The following MBP variants were observed in gnomAD, a reference collection of about 807,000 sequenced individuals.
MBP encodes the protein Golli-MBP.
A neutral mutation model predicts 35.8 loss-of-function variants in MBP; 16 were observed. That is an observed-to-expected ratio of 0.45 (90% CI 0.30 to 0.68). MBP has a LOEUF of 0.68. Ranked by LOEUF, MBP falls within the 30% of genes least tolerant of loss-of-function variation. The probability of loss-of-function intolerance (pLI) is 0.08; values close to 1 mark genes in which losing one functional copy is unlikely to be tolerated. For synonymous variants in MBP, 143 were observed against 159.6 expected, an observed-to-expected ratio of 0.90 and a Z score of 0.78; for missense variants, 380 against 404.7, an observed-to-expected ratio of 0.94 and a Z score of 0.52.
chr18:77,013,083 G>C, intron 4 of MBP: 8 of 985,408 alleles, frequency 8.1e-6, no homozygotes, highest in Non-Finnish European at 9.6e-6. Flanking sequence ...GGTAGCCTCC[G>C]ATCAATAACT....
At chr18:77,080,343 G>A (rs768585965) in intron 2 of MBP, among the ~76,000 whole-genome samples, 1 of 152,268 alleles carries the variant, frequency 6.6e-6, no homozygotes, top group African/African-American at 2.4e-5. Flanking sequence ...GGATGCGGAC[G>A]GTAAGGCTTG....
Position 77,105,267 on chromosome 18 carries a change from A to G in MBP, c.-6T>C. 1 of 1,610,932 alleles carries G rather than the reference A, an allele frequency of 6.2e-7. No individual in the cohort carries two copies. The highest frequency in any genetic ancestry group is 8.5e-7 in the Non-Finnish European group (1 of 1,177,610). On this transcript the variant is annotated 5_prime_UTR_variant, in exon 2 of 9. Transcript: ENST00000355994. The stretch of plus-strand genomic sequence containing the variant: ...TTGCCTGCGTGGTTTCCCATCCTGA[A>G]TGGATTGGCTCTTCAGAGGCTAAAA...
intron 4 of MBP, chr18:77,009,877 C>T (rs150115536): frequency 4.4e-6 from 7 of 1,594,686 alleles, no homozygotes; most frequent in African/African-American, 1.3e-5. Context: ...CCCAGGCTGG[C>T]TGCGGGCATG....
chr18:76,984,717 T>C (rs765285782), intron 8 of MBP, 58 bp downstream of exon 8: 2 of 1,611,868 alleles, frequency 1.2e-6, no homozygotes, highest in Admixed American at 3.3e-5. Context: ...TCAGCTTAGT[T>C]GGGGATTCTG....
chr18:77,078,616 G>C (rs977373359), intron 2 of MBP, among the ~76,000 whole-genome samples: 1 of 152,242 alleles, frequency 6.6e-6, no homozygotes, highest in Admixed American at 6.5e-5. Context: ...CTGGAGCCTG[G>C]AGAACTCATT....
At chr18:77,055,585 T>TTCTCTCTCTC (rs138095026) in intron 3 of MBP, among the ~76,000 whole-genome samples, 6,896 of 151,122 alleles carry the variant, frequency 0.046, 215 homozygotes, top group Middle Eastern at 0.099. Flanking sequence ...TTCTCTTTCT[T>TTCTCTCTCTC]TCTCTCTCTC....
Position 76,988,329 on chromosome 18 carries a change from C to T in MBP, c.750+166G>A. 2 of 1,589,352 alleles carry T rather than the reference C, an allele frequency of 1.3e-6. No individual in the cohort carries two copies. The highest frequency in any genetic ancestry group is 1.7e-6 in the Non-Finnish European group (2 of 1,167,692). ...CGGAAGGGAAGACCACGTTTCATTT[C>T]CCCAGTGGAAGACAAGGCGGCCCGA... is the stretch of plus-strand genomic sequence containing the variant. On this transcript the variant is annotated intron_variant, in intron 7 of 8. Transcript: ENST00000355994. This position sits in a 1 kb window ranked among gnomAD's most constrained non-coding sequence, Gnocchi z 5.2.
At chr18:77,012,558 A>G (rs962421444) in intron 4 of MBP, among the ~76,000 whole-genome samples, 1 of 152,208 alleles carries the variant, frequency 6.6e-6, no homozygotes, top group African/African-American at 2.4e-5. Flanking sequence ...CTTCCCACAC[A>G]GAAGCACAGG....
rs545993821 is a variant in MBP at position 77,125,712 on chromosome 18, C to T, written c.-26+6868G>A. On this transcript the variant is annotated intron_variant, in intron 1 of 8. Coordinates refer to ENST00000355994, the MANE Select transcript of MBP (RefSeq NM_001025101.2). ...AGTAAATCATAGCGTAAATCTATAG[C>T]CCTACTCATGGGGAATTAGTGTGTT... 1.8e-3 allele frequency among the ~76,000 whole-genome samples: 279 copies of T among 152,128 alleles called. 1 individual carries two copies. The highest frequency in any genetic ancestry group is 2.6e-3 in the Non-Finnish European group (174 of 67,986).
At chr18:76,993,447 G>T (rs1568271614) in intron 4 of MBP, among the ~76,000 whole-genome samples, 1 of 151,228 alleles carries the variant, frequency 6.6e-6, no homozygotes, top group Non-Finnish European at 1.5e-5. Context: ...AGCTTCAGGG[G>T]GCTGAGGCAG....
At chr18:77,035,808 G>C (rs1265940722) in intron 3 of MBP, among the ~76,000 whole-genome samples, 1 of 152,196 alleles carries the variant, frequency 6.6e-6, no homozygotes, top group Non-Finnish European at 1.5e-5. Context: ...GAACAAACAC[G>C]TTGCCAGGAA....
chr18:77,128,735 T>G (rs1977141997), intron 1 of MBP, among the ~76,000 whole-genome samples: 3 of 152,222 alleles, frequency 2.0e-5, no homozygotes, highest in Non-Finnish European at 4.4e-5. Flanking sequence ...AACAGGGTTT[T>G]ACTACATTGC....
intron 3 of MBP, among the ~76,000 whole-genome samples, chr18:77,034,352 C>T (rs1972670098): frequency 6.6e-6 from 1 of 152,076 alleles, no homozygotes; most frequent in African/African-American, 2.4e-5. Flanking sequence ...GGAGTGGGTT[C>T]CCTCCCAGAG....
intron 4 of MBP, among the ~76,000 whole-genome samples, chr18:76,997,197 T>G (rs1017546293): frequency 3.3e-5 from 5 of 152,196 alleles, no homozygotes; most frequent in Non-Finnish European, 4.4e-5. Flanking sequence ...AAGAAAAACT[T>G]CTGTGGGATC....
At chr18:77,004,020 G>A (rs1970775477) in intron 4 of MBP, 1 of 152,140 alleles carries the variant, frequency 6.6e-6, no homozygotes, top group Non-Finnish European at 1.5e-5. Flanking sequence ...ACAGGCACCA[G>A]TGAAATCAGT....
At position 77,025,498 on chromosome 18, in the gene MBP, C is replaced by G. The variant is rs1027556007; in HGVS notation, c.140-8230G>C. Reference sequence around the variant, plus strand: ...ATGAACAAAAGCCGAGTCCCACACTCCAGGACATTCAACACCCACCCGACA... The same window carrying G: ...ATGAACAAAAGCCGAGTCCCACACTGCAGGACATTCAACACCCACCCGACA... On this transcript the variant is annotated intron_variant, in intron 3 of 8. Coordinates refer to ENST00000355994, the MANE Select transcript of MBP (RefSeq NM_001025101.2). Among the ~76,000 whole-genome samples the G allele has an allele frequency of 2.0e-5, 3 of 152,252 alleles. No individual in the cohort carries two copies. In the East Asian group the frequency reaches 5.8e-4, roughly 30 times the overall value.
At chr18:77,112,599 C>G (rs1213849262) in intron 1 of MBP, 3 of 152,342 alleles carry the variant, frequency 2.0e-5, no homozygotes, top group African/African-American at 7.2e-5. Context: ...TGGACTCTGT[C>G]CCACCCACAA....
At chr18:77,097,471 T>A (rs1224085252) in intron 2 of MBP, 4 of 152,260 alleles carry the variant, frequency 2.6e-5, no homozygotes, top group African/African-American at 9.6e-5. Flanking sequence ...CTCTGGGCGA[T>A]GTCCTAGGGG....
chr18:77,070,200 G>A (rs1422045378), intron 2 of MBP, among the ~76,000 whole-genome samples: 1 of 152,184 alleles, frequency 6.6e-6, no homozygotes, highest in Non-Finnish European at 1.5e-5. Flanking sequence ...TACGAGAGGG[G>A]ATGGGTCCTG....
Sources: allele counts gnomAD v4.1 joint callset (sites outside exome capture counted in the v4.1 genomes callset), GRCh38; gene constraint gnomAD v4.1.1; non-coding constraint Gnocchi (gnomAD v3.1); transcripts MANE v1.5; gene names NCBI Gene and HGNC (gene_info 2026-07-23, HGNC 2026-07-21).